Variants in BMAL2 observed in about 807,000 individuals in gnomAD.
BMAL2 encodes basic helix-loop-helix ARNT like 2.
At chr12:27,400,688 A>C in the BMAL2 span, 1 of 1,614,010 alleles carries the variant, frequency 6.2e-7, no homozygotes, top group East Asian at 2.2e-5. Context: ...ATATTGTTCC[A>C]CAGAACAGTG....
chr12:27,407,846 G>A, the BMAL2 span, among the ~76,000 whole-genome samples: 4 of 151,996 alleles, frequency 2.6e-5, no homozygotes, highest in Non-Finnish European at 2.9e-5. Context: ...TCGACCGCTA[G>A]CAAGACTAAT....
At chr12:27,356,733 T>A in the BMAL2 span, among the ~76,000 whole-genome samples, 1 of 152,186 alleles carries the variant, frequency 6.6e-6, no homozygotes, top group Admixed American at 6.5e-5. Context: ...TCCTCCTTTT[T>A]AAAAACTAAA....
At chr12:27,357,388 C>T in the BMAL2 span, among the ~76,000 whole-genome samples, 1 of 152,190 alleles carries the variant, frequency 6.6e-6, no homozygotes, top group Non-Finnish European at 1.5e-5. Context: ...AATGGAAACA[C>T]ATCCCATGCT....
chr12:27,400,946 C>T, the BMAL2 span, among the ~76,000 whole-genome samples: 1 of 151,740 alleles, frequency 6.6e-6, no homozygotes, highest in Non-Finnish European at 1.5e-5. Flanking sequence ...CTTAAGCCAA[C>T]ATGTAAACTT....
At chr12:27,369,957 A>T in the BMAL2 span, among the ~76,000 whole-genome samples, 2 of 152,196 alleles carry the variant, frequency 1.3e-5, no homozygotes, top group East Asian at 3.8e-4. Context: ...GCCCAGCATC[A>T]CACAGCTTGT....
the BMAL2 span, among the ~76,000 whole-genome samples, chr12:27,341,193 A>C: frequency 6.7e-6 from 1 of 149,034 alleles, no homozygotes; most frequent in African/African-American, 2.4e-5. Flanking sequence ...CCAGTTTTCA[A>C]GGGGAATGCT....
chr12:27,392,329 A>G, the BMAL2 span, among the ~76,000 whole-genome samples: 1 of 152,156 alleles, frequency 6.6e-6, no homozygotes, highest in Non-Finnish European at 1.5e-5. Context: ...TCTTACAAAC[A>G]CTATTGGAAA....
chr12:27,420,277 T>C, the BMAL2 span: 1 of 1,280,930 alleles, frequency 7.8e-7, no homozygotes, highest in Non-Finnish European at 1.1e-6. Flanking sequence ...ATACATTTTA[T>C]GGTTTTCTAG....
At chr12:27,394,233 C>A in the BMAL2 span, among the ~76,000 whole-genome samples, 1 of 152,096 alleles carries the variant, frequency 6.6e-6, no homozygotes, top group Non-Finnish European at 1.5e-5. Context: ...TGCCTGACTA[C>A]AACACACAAG....
the BMAL2 span, chr12:27,390,037 T>G: frequency 6.3e-7 from 1 of 1,579,818 alleles, no homozygotes. Context: ...GAGATAAATT[T>G]CAAAATTATT....
the BMAL2 span, chr12:27,387,372 C>G: frequency 1.6e-6 from 2 of 1,285,080 alleles, no homozygotes; most frequent in East Asian, 4.6e-5. Flanking sequence ...TTTGAACAAA[C>G]ACATATTTTT....
chr12:27,347,140 A>G, the BMAL2 span, among the ~76,000 whole-genome samples: 2 of 152,168 alleles, frequency 1.3e-5, no homozygotes, highest in African/African-American at 4.8e-5. Flanking sequence ...AGTCTCAGAT[A>G]TTCTGTTATA....
the BMAL2 span, chr12:27,421,246 T>C: frequency 1.3e-5 from 2 of 152,118 alleles, no homozygotes; most frequent in African/African-American, 4.8e-5. Context: ...CCTCTGCATA[T>C]AAGATTTACT....
chr12:27,405,878 C>G, the BMAL2 span, among the ~76,000 whole-genome samples: 2 of 151,996 alleles, frequency 1.3e-5, no homozygotes, highest in Non-Finnish European at 2.9e-5. Context: ...ACAAGAATAA[C>G]CAATGCAGAG....
chr12:27,359,928 C>T, the BMAL2 span, among the ~76,000 whole-genome samples: 1 of 151,350 alleles, frequency 6.6e-6, no homozygotes, highest in African/African-American at 2.4e-5. Context: ...GTGGGTGTGC[C>T]TGTAGTCCCA....
the BMAL2 span, among the ~76,000 whole-genome samples, chr12:27,362,039 C>G: frequency 4.0e-5 from 6 of 149,982 alleles, no homozygotes; most frequent in African/African-American, 1.2e-4. Flanking sequence ...AAAAAAAAAT[C>G]TTCGTTTTAT....
chr12:27,400,870 T>G, the BMAL2 span: 1 of 1,165,668 alleles, frequency 8.6e-7, no homozygotes, highest in African/African-American at 1.5e-5. Context: ...TCTTTTTCTT[T>G]TTTCTGTTTC....
At chr12:27,398,859 G>A in the BMAL2 span, among the ~76,000 whole-genome samples, 4 of 152,296 alleles carry the variant, frequency 2.6e-5, no homozygotes, top group East Asian at 1.9e-4. Flanking sequence ...TGAACCTGAT[G>A]TATAAGCCCT....
chr12:27,349,073 C>T, the BMAL2 span, among the ~76,000 whole-genome samples: 1 of 152,094 alleles, frequency 6.6e-6, no homozygotes, highest in Non-Finnish European at 1.5e-5. Flanking sequence ...CAGGGAATTC[C>T]AGGCGAGGAG....
Sources: allele counts gnomAD v4.1 joint callset (sites outside exome capture counted in the v4.1 genomes callset), GRCh38; gene constraint gnomAD v4.1.1; transcripts MANE v1.5; gene names NCBI Gene and HGNC (gene_info 2026-07-23, HGNC 2026-07-21).